Variants in C2CD5 observed in about 807,000 individuals in gnomAD.
C2CD5 encodes the protein C2 domain-containing protein 5.
Under a neutral mutation model 130.3 loss-of-function variants are expected in C2CD5, and 109 were observed. The observed-to-expected ratio is 0.84, with a 90% CI of 0.72 to 0.98. The LOEUF (loss-of-function observed/expected upper bound fraction) is 0.98. Ranked by LOEUF, C2CD5 falls within the 50% of genes least tolerant of loss-of-function variation. The pLI, the probability that C2CD5 is intolerant of heterozygous loss-of-function variation, is 0.00. For synonymous variants in C2CD5, 454 were observed against 429.2 expected, an observed-to-expected ratio of 1.06 and a Z score of -0.71; for missense variants, 996 against 1,261.8, an observed-to-expected ratio of 0.79 and a Z score of 3.19.
intron 7 of C2CD5, chr12:22,518,925 T>C: frequency 2.3e-6 from 1 of 428,942 alleles, no homozygotes; most frequent in Non-Finnish European, 4.1e-6. Flanking sequence ...AAGAATACCT[T>C]CACTTCCATA....
chr12:22,508,725 A>G (rs1948853917), intron 9 of C2CD5, among the ~76,000 whole-genome samples: 1 of 152,184 alleles, frequency 6.6e-6, no homozygotes, highest in African/African-American at 2.4e-5. Flanking sequence ...AGGTAAGCTT[A>G]TATTATTAAT....
intron 8 of C2CD5, among the ~76,000 whole-genome samples, chr12:22,516,545 G>T (rs1012539625): frequency 2.1e-4 from 32 of 149,400 alleles, no homozygotes; most frequent in African/African-American, 7.7e-4. Context: ...TTTAGGCTTG[G>T]CCTTTTTGGT....
chr12:22,486,159 C>T (rs1945467762), intron 12 of C2CD5, among the ~76,000 whole-genome samples: 1 of 149,616 alleles, frequency 6.7e-6, no homozygotes, highest in African/African-American at 2.5e-5. Flanking sequence ...GCTACTTATC[C>T]TGTCTTTTTA....
chr12:22,498,390 T>TA (rs576015045), intron 10 of C2CD5, among the ~76,000 whole-genome samples: 6 of 151,720 alleles, frequency 4.0e-5, no homozygotes, highest in Non-Finnish European at 7.4e-5. Flanking sequence ...AAACTTAAAC[T>TA]AAAAAAAACA....
At chr12:22,543,972 A>G in intron 2 of C2CD5, 89 bp downstream of exon 2, 1 of 976,046 alleles carries the variant, frequency 1.0e-6, no homozygotes, top group Non-Finnish European at 1.6e-6. Flanking sequence ...TCGAGGGGGG[A>G]ATAGGCTGAG....
chr12:22,482,466 A>T, intron 14 of C2CD5, 91 bp downstream of exon 14: 1 of 1,081,372 alleles, frequency 9.2e-7, no homozygotes, highest in Non-Finnish European at 1.4e-6. Flanking sequence ...GTCTTTAGAT[A>T]AGCCTTTGAA....
chr12:22,482,568 T>C lies in C2CD5; in HGVS notation c.1726A>G (p.Met576Val), dbSNP rs766258969. The change falls in exon 14 of 27, where the codon ATG (methionine) becomes GTG (valine). Residue 576 changes from methionine to valine, a missense_variant. By Grantham distance (21) the Met-to-Val change is conservative. This residue lies in a region of C2CD5 where 590 missense variants were observed against 631.4 expected (regional missense o/e 0.93). Transcript: ENST00000446597. The stretch of plus-strand genomic sequence containing the variant: ...ACATCTAAACTTACCGCTAAGCCCA[T>C]CAACATATTTTCACCCACTGTGATC... Reference protein sequence around the residue: ...IQITVGENMLMGLASATGVYL... With the variant: ...IQITVGENMLVGLASATGVYL... 2.1e-5 allele frequency: 34 copies of C among 1,613,292 alleles called. No homozygotes were observed. Among genetic ancestry groups the C allele is most frequent in the Non-Finnish European group, 2.8e-5 (33 of 1,179,654 alleles).
chr12:22,505,186 T>G (rs2136694722), intron 10 of C2CD5, among the ~76,000 whole-genome samples: 1 of 151,300 alleles, frequency 6.6e-6, no homozygotes, highest in East Asian at 2.0e-4. Flanking sequence ...CTCTGTATCC[T>G]CAAAAATAGT....
At chr12:22,530,602 T>G (rs988683536) in intron 3 of C2CD5, among the ~76,000 whole-genome samples, 3 of 151,722 alleles carry the variant, frequency 2.0e-5, no homozygotes, top group African/African-American at 7.3e-5. Flanking sequence ...GGATTACAGG[T>G]TCACACCACC....
intron 17 of C2CD5, 153 bp from the exon 18 acceptor site, chr12:22,472,500 T>G: frequency 1.6e-6 from 1 of 616,306 alleles, no homozygotes. Context: ...TAAACCATCC[T>G]AATAAATTAT....
chr12:22,465,002 G>T (rs1218644677), intron 22 of C2CD5, among the ~76,000 whole-genome samples: 1 of 151,506 alleles, frequency 6.6e-6, no homozygotes, highest in Admixed American at 6.6e-5. Context: ...TCTCTAAAAA[G>T]AAAAAAAATC....
chr12:22,476,608 C>T (rs1943884886), intron 15 of C2CD5, among the ~76,000 whole-genome samples: 1 of 152,052 alleles, frequency 6.6e-6, no homozygotes, highest in Non-Finnish European at 1.5e-5. Context: ...AAACACATCC[C>T]TGTCTCCAAA....
At chr12:22,458,318 C>A (rs1940390009) in intron 24 of C2CD5, among the ~76,000 whole-genome samples, 166 bp downstream of exon 24, 1 of 152,058 alleles carries the variant, frequency 6.6e-6, no homozygotes, top group South Asian at 2.1e-4. Flanking sequence ...ATCTAAAGGC[C>A]TTTCAAAAGC....
chr12:22,523,595 C>T lies in C2CD5; in HGVS notation c.631G>A (p.Val211Ile). 1.2e-6 allele frequency: 2 copies of T among 1,613,598 alleles called. No individual in the cohort carries two copies. The highest frequency in any genetic ancestry group is 1.7e-6 in the Non-Finnish European group (2 of 1,179,932). The part of the protein sequence containing the change: ...GELQRKIGLK[V>I]LEMRGNAVVG... ...ACTGCATTTCCTCTCATTTCAAGTA[C>T]TTTCAAGCCAATCTTCCTCTGCAGC... Residue 211 changes from valine to isoleucine, a missense_variant, in exon 7 of 27, where the codon GTA becomes ATA. Physicochemically the swap from Val to Ile is conservative, Grantham distance 29. This residue lies in a region of C2CD5 where 26 missense variants were observed against 56.6 expected (regional missense o/e 0.46). Coordinates refer to ENST00000446597, the MANE Select transcript of C2CD5 (RefSeq NM_001286176.2).
Position 22,474,786 on chromosome 12 carries a change from G to T in C2CD5, c.2008C>A (p.Leu670Ile), listed in dbSNP as rs952598846. The T allele has an allele frequency of 1.2e-6, 2 of 1,607,418 alleles. No homozygotes were observed. The highest frequency in any genetic ancestry group is 1.7e-6 in the Non-Finnish European group (2 of 1,176,658). ...AAAGCATCTTTTTTCCCATGTGAAA[G>T]GTCTAATTCTGTAACTTCATCCGAG... ...ESSDEVTELD[L>I]SHGKKDAFVL... The change falls in exon 16 of 27, where the codon CTT (leucine) becomes ATT (isoleucine). Residue 670 changes from leucine to isoleucine, a missense_variant. By Grantham distance (5) the Leu-to-Ile change is conservative. This residue lies in a region of C2CD5 where 590 missense variants were observed against 631.4 expected (regional missense o/e 0.93). Coordinates refer to ENST00000446597, the MANE Select transcript of C2CD5 (RefSeq NM_001286176.2).
intron 11 of C2CD5, among the ~76,000 whole-genome samples, 198 bp from the exon 12 acceptor site, chr12:22,490,416 A>T (rs934264333): frequency 6.6e-6 from 1 of 152,192 alleles, no homozygotes; most frequent in Admixed American, 6.5e-5. Context: ...GGAGGGAAAG[A>T]ATTCTTCATA....
At chr12:22,508,808 C>T (rs1432513156) in intron 9 of C2CD5, among the ~76,000 whole-genome samples, 2 of 151,348 alleles carry the variant, frequency 1.3e-5, no homozygotes, top group African/African-American at 4.9e-5. Flanking sequence ...CTCAAAATAT[C>T]TGAGGCATGT....
In C2CD5 at chr12:22,512,508, TAAAAA is replaced by T. The variant is rs970263180; in HGVS notation, c.1038+781_1038+785del. On this transcript the variant is annotated intron_variant, in intron 9 of 26. Coordinates refer to ENST00000446597, the MANE Select transcript of C2CD5 (RefSeq NM_001286176.2). The stretch of plus-strand genomic sequence containing the variant: ...ACATGAGTCTCACAGTGCTATTAAA[TAAAAA>T]AAAAACTTTGCATTACGAAAAGAAA... 5.7e-6 allele frequency: 3 copies of T among 526,924 alleles called. No individual in the cohort carries two copies. The African/African-American group carries it at 6.0e-5, about 11-fold the overall frequency. The allele number at this position is 526,924 out of a possible 1,614,324, so 32.6% of individuals were successfully genotyped here.
chr12:22,462,462 G>A (rs1323965513), intron 22 of C2CD5, among the ~76,000 whole-genome samples: 1 of 152,076 alleles, frequency 6.6e-6, no homozygotes, highest in Non-Finnish European at 1.5e-5. Context: ...AATGACCCTA[G>A]AAACTTAGCA....
Sources: allele counts gnomAD v4.1 joint callset (sites outside exome capture counted in the v4.1 genomes callset), GRCh38; gene constraint gnomAD v4.1.1; regional missense constraint gnomAD v4.1.1; transcripts MANE v1.5; gene names NCBI Gene and HGNC (gene_info 2026-07-23, HGNC 2026-07-21).